Variants in NTM observed in about 807,000 individuals in gnomAD.
NTM encodes the protein IgLON family member 2.
NTM carries 13 observed loss-of-function variants against 42.1 expected under a neutral mutation model. That is an observed-to-expected ratio of 0.31 (90% CI 0.20 to 0.49). The LOEUF (loss-of-function observed/expected upper bound fraction) is 0.49, where lower values mean the gene tolerates loss of function less well. Ranked by LOEUF, NTM falls within the 20% of genes least tolerant of loss-of-function variation. The pLI is 0.99. For synonymous variants in NTM, 187 were observed against 179.2 expected (o/e 1.04, Z -0.35); for missense variants, 373 against 452.8 (o/e 0.82, Z 1.60).
chr11:131,475,732 T>C (rs1368958270), intron 1 of NTM, among the ~76,000 whole-genome samples: 1 of 152,158 alleles, frequency 6.6e-6, no homozygotes, highest in Non-Finnish European at 1.5e-5. Context: ...GATAGATTGT[T>C]TGTTTAATGG....
chr11:132,205,699 G>T (rs2081891408), intron 3 of NTM, among the ~76,000 whole-genome samples: 1 of 152,096 alleles, frequency 6.6e-6, no homozygotes, highest in South Asian at 2.1e-4. Context: ...CTTTTCAAAG[G>T]ACTCTTCCAC....
chr11:131,941,749 A>C (rs1447398098), intron 2 of NTM, among the ~76,000 whole-genome samples: 1 of 152,222 alleles, frequency 6.6e-6, no homozygotes, highest in East Asian at 1.9e-4. Context: ...TGGGTAACAG[A>C]TATTATTCAC....
At position 132,044,707 on chromosome 11, in the gene NTM, C is replaced by T. The variant is rs531123198; in HGVS notation, c.168-101575C>T. ...ATCCCTGAGCTCCCAGTGCTTTTCC[C>T]GAGCACAACTCCATGGGACACTGCC... On this transcript the variant is annotated intron_variant, in intron 2 of 8. Coordinates refer to ENST00000683400, the MANE Select transcript of NTM (RefSeq NM_001352005.2). Among the ~76,000 whole-genome samples the T allele has an allele frequency of 1.2e-4, 18 of 152,190 alleles. No homozygotes were observed. The South Asian group carries it at 1.5e-3, about 12-fold the overall frequency.
At chr11:131,842,872 G>C (rs188447072) in intron 1 of NTM, among the ~76,000 whole-genome samples, 8 of 151,980 alleles carry the variant, frequency 5.3e-5, no homozygotes, top group African/African-American at 1.9e-4. Flanking sequence ...TTAGTCGGGC[G>C]TGGTGCCGCA....
chr11:132,225,666 G>C (rs910325002), intron 4 of NTM, among the ~76,000 whole-genome samples: 32 of 152,290 alleles, frequency 2.1e-4, no homozygotes, highest in African/African-American at 7.7e-4. Flanking sequence ...TTAAGCAGGA[G>C]AGCAAAATAA....
intron 2 of NTM, among the ~76,000 whole-genome samples, chr11:132,110,668 T>C (rs1299458864): frequency 6.6e-6 from 1 of 152,178 alleles, no homozygotes; most frequent in African/African-American, 2.4e-5. Context: ...AAAATTTCAA[T>C]GAATCAACAC....
At chr11:131,671,889 T>G (rs1333262127) in intron 1 of NTM, among the ~76,000 whole-genome samples, 1 of 152,114 alleles carries the variant, frequency 6.6e-6, no homozygotes, top group Non-Finnish European at 1.5e-5. Flanking sequence ...GCTCCAAACC[T>G]TGGACAGCAG....
chr11:132,210,014 G>T (rs749815204), intron 3 of NTM, among the ~76,000 whole-genome samples: 8 of 152,176 alleles, frequency 5.3e-5, no homozygotes, highest in Non-Finnish European at 1.0e-4. Flanking sequence ...GAATGAGTGA[G>T]TAATGGTTCA....
chr11:131,908,006 T>A (rs185840148), intron 1 of NTM, among the ~76,000 whole-genome samples: 1 of 152,230 alleles, frequency 6.6e-6, no homozygotes, highest in Non-Finnish European at 1.5e-5. Context: ...CTTTCTAAAC[T>A]TCTATGTTTG....
chr11:131,848,306 A>T (rs570350621), intron 1 of NTM, among the ~76,000 whole-genome samples: 198 of 152,372 alleles, frequency 1.3e-3, no homozygotes, highest in African/African-American at 4.4e-3. Context: ...TGCAGTAGCC[A>T]TAACTCTCCA....
intron 1 of NTM, among the ~76,000 whole-genome samples, chr11:131,556,080 C>G (rs1000581495): frequency 5.3e-5 from 8 of 152,284 alleles, no homozygotes; most frequent in East Asian, 1.9e-4. Context: ...GTTCTGAGAG[C>G]TGTCATGGTG....
At chr11:132,051,320 G>A (rs1475228047) in intron 2 of NTM, among the ~76,000 whole-genome samples, 1 of 152,144 alleles carries the variant, frequency 6.6e-6, no homozygotes, top group African/African-American at 2.4e-5. Flanking sequence ...TTTTATAAAT[G>A]AGAAAACTGA....
chr11:131,823,385 C>T (rs560572988), intron 1 of NTM, among the ~76,000 whole-genome samples: 74 of 152,224 alleles, frequency 4.9e-4, no homozygotes, highest in South Asian at 1.0e-3. Context: ...TAGGTAAGCA[C>T]GAAATTAGAG....
At chr11:131,994,998 C>T (rs902189858) in intron 2 of NTM, among the ~76,000 whole-genome samples, 1 of 152,042 alleles carries the variant, frequency 6.6e-6, no homozygotes, top group African/African-American at 2.4e-5. Context: ...TTTATGCTGC[C>T]ACTGTGGTAG....
intron 1 of NTM, among the ~76,000 whole-genome samples, chr11:131,409,629 C>T (rs751455038): frequency 5.3e-5 from 8 of 152,142 alleles, no homozygotes; most frequent in African/African-American, 1.4e-4. Flanking sequence ...AGTGGTGCAG[C>T]GGCACGGGGG....
chr11:132,247,637 G>T (rs931498654), intron 4 of NTM, among the ~76,000 whole-genome samples: 1 of 152,048 alleles, frequency 6.6e-6, no homozygotes, highest in African/African-American at 2.4e-5. Context: ...AGGAAGTATG[G>T]CCAGGGTCTT....
chr11:132,306,717 G>GCTGT (rs1280464196), intron 4 of NTM, among the ~76,000 whole-genome samples: 1 of 152,132 alleles, frequency 6.6e-6, no homozygotes, highest in Admixed American at 6.6e-5. Context: ...GGTTTAGGAT[G>GCTGT]CTGTCTTTCT....
chr11:132,137,931 C>T (rs1458589124), intron 2 of NTM, among the ~76,000 whole-genome samples: 1 of 152,140 alleles, frequency 6.6e-6, no homozygotes, highest in Non-Finnish European at 1.5e-5. Context: ...TGGCTTTGTC[C>T]CTGCTAAATT....
At chr11:132,203,042 C>T (rs923383076) in intron 3 of NTM, among the ~76,000 whole-genome samples, 3 of 152,206 alleles carry the variant, frequency 2.0e-5, no homozygotes, top group Admixed American at 2.0e-4. Flanking sequence ...TTCTGATTGA[C>T]TGTAATCTGA....
Sources: gnomAD v4.1 joint callset for allele counts (sites outside exome capture counted in the v4.1 genomes callset) on GRCh38, gnomAD v4.1.1 for gene constraint, MANE v1.5 for transcripts, NCBI Gene and HGNC (gene_info 2026-07-23, HGNC 2026-07-21) for gene names.